Variants in RGS6 observed in about 807,000 individuals in gnomAD.
RGS6 encodes the protein regulator of G-protein signaling 6.
A neutral mutation model predicts 78.5 loss-of-function variants in RGS6; 30 were observed. That is an observed-to-expected ratio of 0.38 (90% CI 0.29 to 0.52). RGS6 has a LOEUF of 0.52. Among genes scored for constraint, RGS6 ranks in the 20% least tolerant of loss-of-function variants. RGS6 has a pLI of 0.85. For synonymous variants in RGS6, 206 were observed against 206.0 expected, an observed-to-expected ratio of 1.00 and a Z score of 0.00; for missense variants, 495 against 609.7, an observed-to-expected ratio of 0.81 and a Z score of 1.98.
At chr14:72,300,944 A>T (rs2152404083) in intron 2 of RGS6, among the ~76,000 whole-genome samples, 1 of 152,356 alleles carries the variant, frequency 6.6e-6, no homozygotes, top group East Asian at 1.9e-4. Context: ...TGTGGCCATG[A>T]CAGAAATATG....
chr14:71,981,023 T>G (rs1056400900), intron 2 of RGS6, among the ~76,000 whole-genome samples: 13 of 146,794 alleles, frequency 8.9e-5, no homozygotes, highest in African/African-American at 3.2e-4. Flanking sequence ...CATCTTCCAT[T>G]GCTGATACCC....
At chr14:72,290,909 T>C (rs1050630025) in intron 2 of RGS6, among the ~76,000 whole-genome samples, 1 of 152,122 alleles carries the variant, frequency 6.6e-6, no homozygotes, top group African/African-American at 2.4e-5. Context: ...GTTCTTTCAC[T>C]CACTATGCAG....
At chr14:72,490,283 G>A (rs1044877988) in intron 12 of RGS6, among the ~76,000 whole-genome samples, 4 of 152,194 alleles carry the variant, frequency 2.6e-5, no homozygotes, top group African/African-American at 4.8e-5. Context: ...ATCCATGTAA[G>A]ACATGACTTG....
chr14:71,941,353 A>T (rs925017373), intron 1 of RGS6, among the ~76,000 whole-genome samples: 1 of 152,220 alleles, frequency 6.6e-6, no homozygotes, highest in Non-Finnish European at 1.5e-5. Context: ...GTCTAATCAT[A>T]TTAAGCAGCC....
intron 2 of RGS6, among the ~76,000 whole-genome samples, chr14:72,169,289 G>A (rs921703605): frequency 6.6e-6 from 1 of 152,230 alleles, no homozygotes; most frequent in Admixed American, 6.5e-5. Context: ...AAAGTGCTAT[G>A]TGTGTTAGGG....
Position 72,141,905 on chromosome 14 carries a change from AC to A in RGS6, c.84+177031del, listed in dbSNP as rs1379634988. On this transcript the variant is annotated intron_variant, in intron 2 of 17. Transcript: ENST00000553525. The stretch of plus-strand genomic sequence containing the variant: ...CACATTTTACATTAAAAAAAAAAAA[AC>A]AAAACCCAAAGCACCTAGAACCGTG... 1.9e-3 allele frequency among the ~76,000 whole-genome samples: 279 copies of A among 149,006 alleles called. 1 individual carries two copies. The highest frequency in any genetic ancestry group is 6.6e-3 in the African/African-American group (265 of 40,380).
intron 3 of RGS6, among the ~76,000 whole-genome samples, chr14:72,379,711 T>C (rs1417179659): frequency 2.6e-5 from 4 of 152,104 alleles, no homozygotes; most frequent in Admixed American, 6.6e-5. Flanking sequence ...TGCTCATGGA[T>C]AAGAAGAATT....
At chr14:72,608,765 T>C in the RGS6 span, among the ~76,000 whole-genome samples, 2 of 152,230 alleles carry the variant, frequency 1.3e-5, no homozygotes, top group Non-Finnish European at 2.9e-5. Context: ...GTGCTATGTA[T>C]GACGTGGCCA....
chr14:72,199,374 G>T (rs191059957), intron 2 of RGS6, among the ~76,000 whole-genome samples: 9 of 152,302 alleles, frequency 5.9e-5, no homozygotes, highest in Non-Finnish European at 1.2e-4. Flanking sequence ...AAAGCACTTT[G>T]CATCTAGTTG....
chr14:71,939,306 C>T (rs982378435), intron 1 of RGS6, among the ~76,000 whole-genome samples: 12 of 152,284 alleles, frequency 7.9e-5, no homozygotes, highest in African/African-American at 2.6e-4. Flanking sequence ...GGTAGAAGGT[C>T]CCTGAATTTT....
chr14:72,075,176 A>T (rs1353961191), intron 2 of RGS6, among the ~76,000 whole-genome samples: 1 of 152,184 alleles, frequency 6.6e-6, no homozygotes, highest in Non-Finnish European at 1.5e-5. Context: ...TTCTCCAATT[A>T]GGCATATTAT....
chr14:72,139,556 G>A (rs2096505057), intron 2 of RGS6, among the ~76,000 whole-genome samples: 1 of 151,832 alleles, frequency 6.6e-6, no homozygotes, highest in African/African-American at 2.4e-5. Context: ...AGTTTAATAA[G>A]CAGAAAGCAA....
the RGS6 span, among the ~76,000 whole-genome samples, chr14:72,583,353 T>C: frequency 6.6e-6 from 1 of 152,366 alleles, no homozygotes. Context: ...GGATCAATGA[T>C]AGCTAGCTAG....
chr14:72,358,937 C>A lies in RGS6; in HGVS notation c.184+6743C>A, dbSNP rs375582438. Reference sequence around the variant, plus strand: ...GTCCCCATGAGTCTTGGGAAGGATGCAGTGGGAGGTAATTGAATCATGGGT... The same window carrying A: ...GTCCCCATGAGTCTTGGGAAGGATGAAGTGGGAGGTAATTGAATCATGGGT... On this transcript the variant is annotated intron_variant, in intron 3 of 17. Coordinates refer to ENST00000553525, the MANE Select transcript of RGS6 (RefSeq NM_001204424.2). Among the ~76,000 whole-genome samples, 6 of 152,312 alleles carry A rather than the reference C, an allele frequency of 3.9e-5. No homozygotes were observed. In the South Asian group the frequency reaches 1.2e-3, roughly 32 times the overall value.
chr14:72,501,361 C>A, intron 13 of RGS6, among the ~76,000 whole-genome samples: 1 of 151,420 alleles, frequency 6.6e-6, no homozygotes, highest in Non-Finnish European at 1.5e-5. Flanking sequence ...GCTATTCGAT[C>A]TGGAAGTCCA....
chr14:72,594,734 C>A, the RGS6 span: 1 of 152,168 alleles, frequency 6.6e-6, no homozygotes, highest in Non-Finnish European at 1.5e-5. Flanking sequence ...GAATTAATTG[C>A]CTCTTCAGCT....
chr14:72,104,458 A>G (rs1460415307), intron 2 of RGS6, among the ~76,000 whole-genome samples: 1 of 152,236 alleles, frequency 6.6e-6, no homozygotes, highest in Admixed American at 6.5e-5. Flanking sequence ...ACTTTTATGC[A>G]TTTATAAAAT....
chr14:72,077,909 A>T (rs2153468688), intron 2 of RGS6, among the ~76,000 whole-genome samples: 1 of 152,262 alleles, frequency 6.6e-6, no homozygotes, highest in East Asian at 1.9e-4. Context: ...GTCTGTCTTT[A>T]TCCCTCTAAG....
the RGS6 span, among the ~76,000 whole-genome samples, chr14:72,607,791 G>A: frequency 7.6e-4 from 115 of 152,260 alleles, no homozygotes; most frequent in African/African-American, 2.7e-3. Context: ...TTCCCCTCTG[G>A]TCCCTGAATG....
Sources: gnomAD v4.1 joint callset for allele counts (sites outside exome capture counted in the v4.1 genomes callset) on GRCh38, gnomAD v4.1.1 for gene constraint, MANE v1.5 for transcripts, NCBI Gene and HGNC (gene_info 2026-07-23, HGNC 2026-07-21) for gene names.